The following SGSM2 variants were observed in gnomAD, a reference collection of about 807,000 sequenced individuals.
The protein encoded by SGSM2 is small G protein signaling modulator 2, also known as RUN and TBC1 domain containing 1.
SGSM2 carries 89 observed loss-of-function variants against 126.6 expected under a neutral mutation model. The observed-to-expected ratio is 0.70, with a 90% CI of 0.59 to 0.84. SGSM2 has a LOEUF of 0.84. Ranked by LOEUF, SGSM2 falls within the 40% of genes least tolerant of loss-of-function variation. The probability of loss-of-function intolerance (pLI) is 0.00; values close to 1 mark genes in which losing one functional copy is unlikely to be tolerated. For missense variants in SGSM2, 1,404 were observed against 1,416.6 expected (o/e 0.99, Z 0.14); for synonymous variants, 614 against 574.3 (o/e 1.07, Z -0.99).
At chr17:2,351,342 G>A (rs911448539) in intron 2 of SGSM2, among the ~76,000 whole-genome samples, 4 of 152,150 alleles carry the variant, frequency 2.6e-5, no homozygotes, top group Non-Finnish European at 5.9e-5. Context: ...CTGCCTGTGA[G>A]GCCTACCCAG....
At chr17:2,353,721 T>C (rs59071522) in intron 2 of SGSM2, among the ~76,000 whole-genome samples, 1 of 151,916 alleles carries the variant, frequency 6.6e-6, no homozygotes, top group African/African-American at 2.4e-5. Flanking sequence ...ACAGAGATTG[T>C]GCCCACTGCA....
chr17:2,370,893 C>G (rs1192020921), intron 12 of SGSM2, among the ~76,000 whole-genome samples: 1 of 150,638 alleles, frequency 6.6e-6, no homozygotes, highest in East Asian at 2.0e-4. Context: ...GCTGAGCTAG[C>G]TGGTGGCTTT....
Position 2,365,202 on chromosome 17 carries a change from C to T in SGSM2, c.1162-13C>T, listed in dbSNP as rs751962264. ...GCCCTATACAGCCCGACCACCTACC[C>T]CTCCTTCCACAGGGGAAAGTGTTCC... On this transcript the variant is annotated splice_polypyrimidine_tract_variant and intron_variant, in intron 10 of 23. Coordinates refer to ENST00000268989, the MANE Select transcript of SGSM2 (RefSeq NM_014853.3). 1.2e-6 allele frequency: 2 copies of T among 1,605,432 alleles called. No individual in the cohort carries two copies. Among genetic ancestry groups the T allele is most frequent in the Non-Finnish European group, 1.7e-6 (2 of 1,174,640 alleles).
chr17:2,345,478 C>T (rs1463237374), intron 2 of SGSM2, among the ~76,000 whole-genome samples: 1 of 151,898 alleles, frequency 6.6e-6, no homozygotes, highest in Non-Finnish European at 1.5e-5. Context: ...CGCCTGTAGT[C>T]CCAGCTACTC....
In SGSM2 at chr17:2,380,057, G is replaced by A. The variant is rs1264084913; in HGVS notation, c.*537G>A. On this transcript the variant is annotated 3_prime_UTR_variant, in exon 24 of 24. Transcript: ENST00000268989. ...ACGGGTGCGGGAGACCCGGGCACGG[G>A]AGACCCGGGCCGCCTTCAGGCCGCT... is the stretch of plus-strand genomic sequence containing the variant. The A allele has an allele frequency of 1.4e-6, 2 of 1,407,428 alleles. No individual in the cohort carries two copies. The highest frequency in any genetic ancestry group is 1.8e-6 in the Non-Finnish European group (2 of 1,087,282). 87.2% of individuals were successfully genotyped at this position (1,407,428 alleles called of 1,614,324 possible).
chr17:2,372,711 G>T lies in SGSM2; in HGVS notation c.1788+223G>T. 1.2e-6 allele frequency: 1 copy of T among 811,700 alleles called. No homozygotes were observed. Among genetic ancestry groups the T allele is most frequent in the Non-Finnish European group, 1.9e-6 (1 of 518,564 alleles). The allele number at this position is 811,700 out of a possible 1,614,324, so 50.3% of individuals were successfully genotyped here. A position where few individuals can be genotyped will look rare whatever the true frequency, so the allele number is the denominator to read the frequency against. ...GCCTCCACATCGCCCTGTGACCCTG[G>T]ACAAAGCTTTGCCTCTCTCCGGGCG... On this transcript the variant is annotated intron_variant, in intron 15 of 23. Transcript: ENST00000268989. This position sits in a 1 kb window ranked among gnomAD's most constrained non-coding sequence, Gnocchi z 6.0.
intron 16 of SGSM2, 114 bp from the exon 17 acceptor site, chr17:2,373,217 T>C: frequency 6.5e-7 from 1 of 1,538,386 alleles, no homozygotes; most frequent in Non-Finnish European, 8.8e-7. Context: ...GTCCTTACCC[T>C]GAGGCCCGTC....
intron 2 of SGSM2, among the ~76,000 whole-genome samples, chr17:2,359,522 TG>T (rs1215490773): frequency 6.6e-6 from 1 of 152,038 alleles, no homozygotes; most frequent in Non-Finnish European, 1.5e-5. Context: ...TTAGGGACCG[TG>T]GGGTAAAGGG....
chr17:2,379,072 T>C lies in SGSM2; in HGVS notation c.2936T>C (p.Val979Ala), dbSNP rs547672593. The change falls in exon 23 of 24, where the codon GTG becomes GCG. Residue 979 changes from valine (V) to alanine (A), a missense_variant. Transcript: ENST00000268989. ...LYEDVFAVWE[V>A]IWAARHISSE... is the part of the protein sequence containing the mutation. ...GAGGATGTGTTTGCTGTGTGGGAGG[T>C]GATCTGGGCAGCCAGGCACATCTCA... 26 of 1,614,026 alleles carry C rather than the reference T, an allele frequency of 1.6e-5. 1 individual carries two copies. The South Asian group carries it at 2.4e-4, about 15-fold the overall frequency.
chr17:2,338,460 G>A (rs1431084336), intron 1 of SGSM2, among the ~76,000 whole-genome samples: 1 of 152,118 alleles, frequency 6.6e-6, no homozygotes, highest in East Asian at 1.9e-4. Context: ...CAGTGACCAT[G>A]TGAATGACTC....
At chr17:2,351,804 C>T (rs1367235037) in intron 2 of SGSM2, among the ~76,000 whole-genome samples, 1 of 152,170 alleles carries the variant, frequency 6.6e-6, no homozygotes, top group Non-Finnish European at 1.5e-5. Context: ...AAGTGACCTA[C>T]CCGCCTCAGG....
intron 22 of SGSM2, 34 bp downstream of exon 22, chr17:2,377,987 A>C: frequency 7.6e-7 from 1 of 1,318,566 alleles, no homozygotes; most frequent in Non-Finnish European, 1.1e-6. Context: ...GGCTGAGGTC[A>C]GGGACAGTGA....
rs757803166 is a variant in SGSM2 at position 2,379,406 on chromosome 17, C to CTACAGCT, written c.3068-25_3068-19dup. 6.2e-6 allele frequency: 10 copies of CTACAGCT among 1,606,208 alleles called. No individual in the cohort carries two copies. In the South Asian group the frequency reaches 1.1e-4, roughly 18 times the overall value. ...CCTGCTGCCCTTTCTCTGGGCCTCT[C>CTACAGCT]TACAGCTCTTCACGTTTCCCCCCAG... On this transcript the variant is annotated intron_variant, in intron 23 of 23. Coordinates refer to ENST00000268989, the MANE Select transcript of SGSM2 (RefSeq NM_014853.3).
Position 2,372,796 on chromosome 17 carries a change from G to C in SGSM2, c.1789-157G>C. The C allele has an allele frequency of 9.8e-7, 1 of 1,023,834 alleles. No homozygotes were observed. Among genetic ancestry groups the C allele is most frequent in the Non-Finnish European group, 1.4e-6 (1 of 716,404 alleles). The allele number at this position is 1,023,834 out of a possible 1,614,324, so 63.4% of individuals were successfully genotyped here. A position where few individuals can be genotyped will look rare whatever the true frequency, so the allele number is the denominator to read the frequency against. ...GAGATCTCATCCCACTGTGAGCTGG[G>C]GCACGGGAGGACGTGGCCACCCCAA... On this transcript the variant is annotated intron_variant, in intron 15 of 23. Transcript: ENST00000268989. The surrounding 1 kb of genome is among the most constrained non-coding windows in gnomAD (Gnocchi z 6.0).
In SGSM2 at chr17:2,367,105, C is replaced by A; in HGVS notation, c.1289-166C>A. 5 of 780,354 alleles carry A rather than the reference C, an allele frequency of 6.4e-6. No individual in the cohort carries two copies. The South Asian group carries it at 9.7e-5, about 15-fold the overall frequency. The allele number at this position is 780,354 out of a possible 1,614,324, so 48.3% of individuals were successfully genotyped here. ...CCCCTCGCCTCCTTCCACACTCTCC[C>A]AGGAAAATCATCCAAAGAGCTTTCT... On this transcript the variant is annotated intron_variant, in intron 11 of 23. Coordinates refer to ENST00000268989, the MANE Select transcript of SGSM2 (RefSeq NM_014853.3). This position sits in a 1 kb window ranked among gnomAD's most constrained non-coding sequence, Gnocchi z 4.0.
intron 2 of SGSM2, among the ~76,000 whole-genome samples, chr17:2,358,925 TG>T (rs536104047): frequency 2.3e-4 from 34 of 145,326 alleles, no homozygotes; most frequent in African/African-American, 8.3e-4. Context: ...TCCCCCAGGC[TG>T]GAGTGCAGTG....
chr17:2,363,177 C>G lies in SGSM2; in HGVS notation c.672+43C>G. 15 of 1,551,654 alleles carry G rather than the reference C, an allele frequency of 9.7e-6. No individual in the cohort carries two copies. Among genetic ancestry groups the G allele is most frequent in the Non-Finnish European group, 1.3e-5 (15 of 1,152,504 alleles). On this transcript the variant is annotated intron_variant, in intron 6 of 23. Transcript: ENST00000268989. The surrounding 1 kb of genome is among the most constrained non-coding windows in gnomAD (Gnocchi z 4.2). ...ACCCTTTGGGCTCATCTGGGCTATG[C>G]CCATGGGCCTGTAGGGACGGGAAAC...
chr17:2,378,370 G>A (rs1457622392), intron 22 of SGSM2, among the ~76,000 whole-genome samples: 1 of 152,144 alleles, frequency 6.6e-6, no homozygotes, highest in East Asian at 1.9e-4. Flanking sequence ...GAGGTCAGGG[G>A]TTTGAGGCCA....
chr17:2,342,419 A>G (rs1010708640), intron 1 of SGSM2, among the ~76,000 whole-genome samples: 1 of 152,058 alleles, frequency 6.6e-6, no homozygotes, highest in Non-Finnish European at 1.5e-5. Flanking sequence ...GCGAAACTCC[A>G]TTTCAGAAAC....
Sources: allele counts gnomAD v4.1 joint callset (sites outside exome capture counted in the v4.1 genomes callset), GRCh38; gene constraint gnomAD v4.1.1; non-coding constraint Gnocchi (gnomAD v3.1); transcripts MANE v1.5; gene names NCBI Gene and HGNC (gene_info 2026-07-23, HGNC 2026-07-21).